Variants in TRIM59 observed in about 807,000 individuals in gnomAD.
The protein encoded by TRIM59 is tripartite motif containing 59.
In TRIM59, 14 loss-of-function variants were observed where a neutral mutation model predicts 32.2. That is an observed-to-expected ratio of 0.43 (90% CI 0.29 to 0.68). The LOEUF is 0.68. Ranked by LOEUF, TRIM59 falls within the 30% of genes least tolerant of loss-of-function variation. The pLI, the probability that TRIM59 is intolerant of heterozygous loss-of-function variation, is 0.15. For synonymous variants in TRIM59, 163 were observed against 155.1 expected, an observed-to-expected ratio of 1.05 and a Z score of -0.38; for missense variants, 471 against 463.3, an observed-to-expected ratio of 1.02 and a Z score of -0.15.
intron 2 of TRIM59, among the ~76,000 whole-genome samples, chr3:160,446,714 G>A (rs549515266): frequency 1.4e-4 from 21 of 152,258 alleles, no homozygotes; most frequent in East Asian, 7.7e-4. Context: ...CCATGGTGGC[G>A]GGCAAGCCCA....
chr3:160,437,843 C>A lies in TRIM59; in HGVS notation c.*129G>T, dbSNP rs1719056251. ...TATCATTGCTAACCAAAAGAAGCAA[C>A]AAATATAAACATTTGTTTATATTAG... is the stretch of plus-strand genomic sequence containing the variant. On this transcript the variant is annotated 3_prime_UTR_variant, in exon 3 of 3. Transcript: ENST00000309784. The A allele has an allele frequency of 1.5e-6, 2 of 1,292,208 alleles. No homozygotes were observed. The highest frequency in any genetic ancestry group is 3.1e-5 in the African/African-American group (2 of 65,258). 80.0% of individuals were successfully genotyped at this position (1,292,208 alleles called of 1,614,324 possible). A position where few individuals can be genotyped will look rare whatever the true frequency, so the allele number is the denominator to read the frequency against.
At chr3:160,449,070 AT>A in intron 1 of TRIM59, 1 of 226,654 alleles carries the variant, frequency 4.4e-6, no homozygotes, top group South Asian at 5.1e-5. Flanking sequence ...AACAATGGTG[AT>A]GGCAGAAAAA....
rs879824298 is a variant in TRIM59, at chr3:160,442,558, G to GAA, written c.-3-3374_-3-3373dup. ...GAGCAAGACTCTGTCTCAAAAAAAG[G>GAA]AAAAAAAAAAAATAGGAAGCAAAAA... On this transcript the variant is annotated intron_variant, in intron 2 of 2. Transcript: ENST00000309784. 9.3e-5 allele frequency among the ~76,000 whole-genome samples: 13 copies of GAA among 139,296 alleles called. No homozygotes were observed. The South Asian group carries it at 2.5e-3, about 27-fold the overall frequency. 91.4% of individuals were successfully genotyped at this position (139,296 alleles called of 152,430 possible). A position where few individuals can be genotyped will look rare whatever the true frequency, so the allele number is the denominator to read the frequency against.
At chr3:160,446,711 G>C (rs1270277215) in intron 2 of TRIM59, among the ~76,000 whole-genome samples, 3 of 152,146 alleles carry the variant, frequency 2.0e-5, no homozygotes, top group Admixed American at 2.0e-4. Flanking sequence ...CCACCATGGT[G>C]GCGGGCAAGC....
At chr3:160,439,770 T>C (rs569634521) in intron 2 of TRIM59, among the ~76,000 whole-genome samples, 1 of 152,188 alleles carries the variant, frequency 6.6e-6, no homozygotes, top group Non-Finnish European at 1.5e-5. Flanking sequence ...TCTTTTTCCT[T>C]ATAAATTACC....
intron 2 of TRIM59, 78 bp from the exon 3 acceptor site, chr3:160,439,264 C>A: frequency 8.4e-7 from 1 of 1,187,590 alleles, no homozygotes; most frequent in Non-Finnish European, 1.1e-6. Context: ...CATTAACCTC[C>A]AAATTGTTAC....
chr3:160,449,398 G>A, intron 1 of TRIM59: 1 of 843,306 alleles, frequency 1.2e-6, no homozygotes, highest in Admixed American at 4.1e-5. Flanking sequence ...CCCTCCTAAC[G>A]CGCCTCCACC....
At position 160,436,654 on chromosome 3, in the gene TRIM59, T is replaced by C; in HGVS notation, c.*1318A>G. 9 of 586,682 alleles carry C rather than the reference T, an allele frequency of 1.5e-5. No homozygotes were observed. Among genetic ancestry groups the C allele is most frequent in the Non-Finnish European group, 1.9e-5 (9 of 465,610 alleles). 36.3% of individuals were successfully genotyped at this position (586,682 alleles called of 1,614,324 possible). A position where few individuals can be genotyped will look rare whatever the true frequency, so the allele number is the denominator to read the frequency against. On this transcript the variant is annotated 3_prime_UTR_variant, in exon 3 of 3. Transcript: ENST00000309784. ...TCTACTAAAAATACAGAAAATTAGC[T>C]GGGCGTGGTAGCAGATGCCTGTAGT... is the stretch of plus-strand genomic sequence containing the variant.
At chr3:160,446,397 A>G (rs968249980) in intron 2 of TRIM59, among the ~76,000 whole-genome samples, 2 of 152,238 alleles carry the variant, frequency 1.3e-5, no homozygotes, top group Non-Finnish European at 2.9e-5. Context: ...GTTAGCAAAA[A>G]CAAACACAGG....
At chr3:160,443,212 C>T (rs1719346144) in intron 2 of TRIM59, among the ~76,000 whole-genome samples, 1 of 152,070 alleles carries the variant, frequency 6.6e-6, no homozygotes. Context: ...AAATTTTCCA[C>T]AACCAGTCTA....
rs1486512689 is a variant in TRIM59 at position 160,436,060 on chromosome 3, T to C, written c.*1912A>G. 3.4e-6 allele frequency: 4 copies of C among 1,176,702 alleles called. No individual in the cohort carries two copies. The African/African-American group carries it at 6.4e-5, about 19-fold the overall frequency. 72.9% of individuals were successfully genotyped at this position (1,176,702 alleles called of 1,614,324 possible). On this transcript the variant is annotated 3_prime_UTR_variant, in exon 3 of 3. Coordinates refer to ENST00000309784, the MANE Select transcript of TRIM59 (RefSeq NM_173084.3). ...GCAACTTAGTATTTTTATCTCTAGC[T>C]GAGTATGTGTCTCTCCTTACCTCTA... is the stretch of plus-strand genomic sequence containing the variant.
At position 160,437,612 on chromosome 3, in the gene TRIM59, GC is replaced by G. The variant is rs1719046859; in HGVS notation, c.*359del. ...AAGGTATATGTTCTTTCAGGATTTT[GC>G]TATATATATAAAGAACTGTAAAGCC... On this transcript the variant is annotated 3_prime_UTR_variant, in exon 3 of 3. Transcript: ENST00000309784. The G allele has an allele frequency of 1.0e-6, 1 of 989,932 alleles. No individual in the cohort carries two copies. Among genetic ancestry groups the G allele is most frequent in the African/African-American group, 1.7e-5 (1 of 57,470 alleles). 61.3% of individuals were successfully genotyped at this position (989,932 alleles called of 1,614,324 possible). A position where few individuals can be genotyped will look rare whatever the true frequency, so the allele number is the denominator to read the frequency against.
chr3:160,437,907 G>A lies in TRIM59; in HGVS notation c.*65C>T, dbSNP rs1719058388. The A allele has an allele frequency of 4.2e-6, 6 of 1,438,624 alleles. No individual in the cohort carries two copies. In the South Asian group the frequency reaches 9.1e-5, roughly 22 times the overall value. 89.1% of individuals were successfully genotyped at this position (1,438,624 alleles called of 1,614,324 possible). A position where few individuals can be genotyped will look rare whatever the true frequency, so the allele number is the denominator to read the frequency against. On this transcript the variant is annotated 3_prime_UTR_variant, in exon 3 of 3. Coordinates refer to ENST00000309784, the MANE Select transcript of TRIM59 (RefSeq NM_173084.3). ...AAAGCTTAGTTTGCTCTTTATCCAT[G>A]CTACCCCATTTTTTGTTTAGCAATG... is the stretch of plus-strand genomic sequence containing the variant.
At chr3:160,441,609 C>G (rs1286251600) in intron 2 of TRIM59, among the ~76,000 whole-genome samples, 3 of 151,950 alleles carry the variant, frequency 2.0e-5, no homozygotes, top group Admixed American at 2.0e-4. Context: ...AAAAAATTAG[C>G]CAGGTGTGGT....
Position 160,437,741 on chromosome 3 carries a change from G to T in TRIM59, c.*231C>A. 1 of 1,171,062 alleles carries T rather than the reference G, an allele frequency of 8.5e-7. No homozygotes were observed. Among genetic ancestry groups the T allele is most frequent in the Non-Finnish European group, 1.1e-6 (1 of 950,694 alleles). The allele number at this position is 1,171,062 out of a possible 1,614,324, so 72.5% of individuals were successfully genotyped here. ...AACCATCATAAAGCCAATAAAAATG[G>T]GATAGTGTATTACTTTTCAAATTGT... On this transcript the variant is annotated 3_prime_UTR_variant, in exon 3 of 3. Coordinates refer to ENST00000309784, the MANE Select transcript of TRIM59 (RefSeq NM_173084.3).
chr3:160,445,464 G>A (rs566935390), intron 2 of TRIM59, among the ~76,000 whole-genome samples: 12 of 152,038 alleles, frequency 7.9e-5, no homozygotes, highest in Admixed American at 3.3e-4. Flanking sequence ...AGATGATAAT[G>A]AACTAGAAAA....
Position 160,438,114 on chromosome 3 carries a change from C to T in TRIM59, c.1070G>A (p.Ser357Asn), listed in dbSNP as rs772598969. The T allele has an allele frequency of 6.2e-7, 1 of 1,612,544 alleles. No homozygotes were observed. Among genetic ancestry groups the T allele is most frequent in the Non-Finnish European group, 8.5e-7 (1 of 1,179,588 alleles). The change falls in exon 3 of 3, where the codon AGT becomes AAT. Residue 357 changes from serine to asparagine, a missense_variant. Ser to Asn is a conservative substitution (Grantham distance 46). Transcript: ENST00000309784. ...FFNQHIITFL[S>N]EITLIWFSEA... ...AGAAAACCATATTAAAGTGATTTCA[C>T]TTAAAAAGGTTATGATGTGTTGGTT...
intron 2 of TRIM59, chr3:160,447,979 TTC>T (rs1455532944): frequency 2.0e-5 from 3 of 152,218 alleles, no homozygotes; most frequent in East Asian, 1.9e-4. Context: ...TTAAAAATAA[TTC>T]TGTCACATAT....
At chr3:160,440,770 G>A (rs1164087181) in intron 2 of TRIM59, among the ~76,000 whole-genome samples, 1 of 152,156 alleles carries the variant, frequency 6.6e-6, no homozygotes, top group Non-Finnish European at 1.5e-5. Context: ...AATTAGCCCA[G>A]TGTGGTGTCA....
Sources: allele counts gnomAD v4.1 joint callset (sites outside exome capture counted in the v4.1 genomes callset), GRCh38; gene constraint gnomAD v4.1.1; transcripts MANE v1.5; gene names NCBI Gene and HGNC (gene_info 2026-07-23, HGNC 2026-07-21).